The following FAM13C variants were observed in gnomAD, a reference collection of about 807,000 sequenced individuals.
FAM13C encodes the protein family with sequence similarity 13 member C.
In FAM13C, 37 loss-of-function variants were observed where a neutral mutation model predicts 73.2. The ratio of observed to expected loss-of-function variants is 0.51; its 90% confidence interval spans 0.39 to 0.67. FAM13C has a LOEUF of 0.67. Ranked by LOEUF, FAM13C falls within the 30% of genes least tolerant of loss-of-function variation. The probability of loss-of-function intolerance (pLI) is 0.00; values close to 1 mark genes in which losing one functional copy is unlikely to be tolerated. For synonymous variants in FAM13C, 246 were observed against 260.9 expected (o/e 0.94, Z 0.55); for missense variants, 589 against 715.6 (o/e 0.82, Z 2.02).
At chr10:59,317,268 C>T (rs1849653732) in intron 4 of FAM13C, among the ~76,000 whole-genome samples, 8 of 151,990 alleles carry the variant, frequency 5.3e-5, no homozygotes, top group Admixed American at 5.2e-4. Context: ...AAAGATTAGC[C>T]CCATTCTAGT....
rs544343317 is a variant in FAM13C at position 59,352,594 on chromosome 10, T to C, written c.120-120A>G. The C allele has an allele frequency of 5.4e-5, 57 of 1,056,714 alleles. No individual in the cohort carries two copies. In the East Asian group the frequency reaches 5.5e-4, roughly 10 times the overall value. The allele number at this position is 1,056,714 out of a possible 1,614,324, so 65.5% of individuals were successfully genotyped here. ...TTTATAGGATAGACACCTCGCAAAA[T>C]TTTTAGCCTACACTTAGACAATTTT... is the stretch of plus-strand genomic sequence containing the variant. On this transcript the variant is annotated intron_variant, in intron 2 of 13. Transcript: ENST00000618804.
intron 3 of FAM13C, among the ~76,000 whole-genome samples, chr10:59,347,201 A>G (rs948706800): frequency 6.6e-6 from 1 of 152,172 alleles, no homozygotes; most frequent in Non-Finnish European, 1.5e-5. Context: ...AGTTCCTGGT[A>G]TTCTGTTCTA....
chr10:59,284,976 C>G (rs1253867769), intron 5 of FAM13C, among the ~76,000 whole-genome samples: 1 of 152,128 alleles, frequency 6.6e-6, no homozygotes, highest in East Asian at 1.9e-4. Context: ...CCCTTCCATG[C>G]AAGATCGAGT....
intron 7 of FAM13C, among the ~76,000 whole-genome samples, chr10:59,269,223 T>TATATATATATTCA (rs1843421411): frequency 6.6e-6 from 1 of 152,070 alleles, no homozygotes; most frequent in Admixed American, 6.6e-5. Flanking sequence ...GACCCAGGGT[T>TATATATATATTCA]AGATATATTC....
intron 7 of FAM13C, among the ~76,000 whole-genome samples, chr10:59,269,259 G>A (rs550599070): frequency 3.3e-5 from 5 of 152,148 alleles, no homozygotes; most frequent in South Asian, 4.2e-4. Context: ...GAGTTCTGAC[G>A]GAGAAACCAG....
At position 59,247,270 on chromosome 10, in the gene FAM13C, G is replaced by A. The variant is rs1840788657; in HGVS notation, c.*344C>T. The A allele has an allele frequency of 9.2e-6, 2 of 216,830 alleles. No homozygotes were observed. Among genetic ancestry groups the A allele is most frequent in the Admixed American group, 6.1e-5 (1 of 16,396 alleles). The allele number at this position is 216,830 out of a possible 1,614,324, so 13.4% of individuals were successfully genotyped here. A position where few individuals can be genotyped will look rare whatever the true frequency, so the allele number is the denominator to read the frequency against. ...CATACATCAACATAAACAGTCTTTG[G>A]ATACTAAATAAACTTTCCCTAACAA... On this transcript the variant is annotated 3_prime_UTR_variant, in exon 14 of 14. Transcript: ENST00000618804.
chr10:59,260,403 C>A (rs1407419687), intron 10 of FAM13C, among the ~76,000 whole-genome samples: 1 of 152,132 alleles, frequency 6.6e-6, no homozygotes, highest in Admixed American at 6.5e-5. Context: ...TCCTGTTCTC[C>A]AACCCTCAAA....
intron 3 of FAM13C, among the ~76,000 whole-genome samples, chr10:59,335,421 T>A (rs913439181): frequency 1.3e-5 from 2 of 152,166 alleles, no homozygotes; most frequent in Admixed American, 1.3e-4. Flanking sequence ...TTATCTGGAA[T>A]AAAGGAAAAG....
intron 3 of FAM13C, among the ~76,000 whole-genome samples, chr10:59,339,934 T>C (rs1853277133): frequency 1.3e-5 from 2 of 152,232 alleles, no homozygotes; most frequent in Admixed American, 1.3e-4. Flanking sequence ...TTTTTAGTCT[T>C]GTTTGCAATG....
intron 6 of FAM13C, among the ~76,000 whole-genome samples, chr10:59,273,109 G>T (rs1461946704): frequency 1.3e-5 from 2 of 152,318 alleles, no homozygotes; most frequent in East Asian, 3.9e-4. Context: ...GACTACTGTA[G>T]TAACAATGCT....
chr10:59,287,336 C>CAAAAA (rs58759332), intron 5 of FAM13C, among the ~76,000 whole-genome samples: 9 of 73,814 alleles, frequency 1.2e-4, no homozygotes, highest in Admixed American at 2.3e-4. Flanking sequence ...GACTCTGTCT[C>CAAAAA]AAAAAAAAAA....
intron 3 of FAM13C, among the ~76,000 whole-genome samples, chr10:59,325,288 A>G (rs556577493): frequency 5.4e-4 from 82 of 152,324 alleles, no homozygotes; most frequent in Admixed American, 1.9e-3. Context: ...AGCACACTAG[A>G]AAAACATGGT....
intron 5 of FAM13C, among the ~76,000 whole-genome samples, chr10:59,285,390 G>T (rs1048071207): frequency 2.9e-5 from 4 of 139,302 alleles, no homozygotes; most frequent in Admixed American, 2.7e-4. Context: ...AAGCAGCTGG[G>T]AGGCAAACAA....
intron 3 of FAM13C, among the ~76,000 whole-genome samples, chr10:59,331,831 C>T (rs1852032875): frequency 1.3e-5 from 2 of 152,152 alleles, no homozygotes; most frequent in Non-Finnish European, 2.9e-5. Flanking sequence ...AAAAGAAGGA[C>T]AGATGGTGAT....
At chr10:59,294,273 A>T (rs903552087) in intron 5 of FAM13C, among the ~76,000 whole-genome samples, 1 of 152,224 alleles carries the variant, frequency 6.6e-6, no homozygotes, top group Non-Finnish European at 1.5e-5. Flanking sequence ...TAGTATGAAG[A>T]GATATACATG....
intron 5 of FAM13C, among the ~76,000 whole-genome samples, chr10:59,298,905 C>A (rs949947546): frequency 1.4e-4 from 22 of 152,094 alleles, no homozygotes; most frequent in African/African-American, 4.6e-4. Context: ...TAAGTGGAAT[C>A]TAAAAAAGCC....
At chr10:59,356,022 A>C (rs1208230261) in intron 1 of FAM13C, 79 bp from the exon 2 acceptor site, 1 of 1,364,698 alleles carries the variant, frequency 7.3e-7, no homozygotes, top group African/African-American at 1.4e-5. Context: ...GAATTGTCTC[A>C]AGATTACCAT....
chr10:59,299,532 GGA>G (rs1729214281), intron 5 of FAM13C, among the ~76,000 whole-genome samples: 1 of 151,168 alleles, frequency 6.6e-6, no homozygotes, highest in Non-Finnish European at 1.5e-5. Context: ...TTTCAGGGAA[GGA>G]GAGATTTATT....
At chr10:59,249,347 T>C (rs1469246615) in intron 13 of FAM13C, among the ~76,000 whole-genome samples, 1 of 135,588 alleles carries the variant, frequency 7.4e-6, no homozygotes, top group African/African-American at 2.8e-5. Context: ...GAGCTTGCAG[T>C]GAGCCGAGAT....
Sources: gnomAD v4.1 joint callset for allele counts (sites outside exome capture counted in the v4.1 genomes callset) on GRCh38, gnomAD v4.1.1 for gene constraint, MANE v1.5 for transcripts, NCBI Gene and HGNC (gene_info 2026-07-23, HGNC 2026-07-21) for gene names.